Variants in GRIN2A observed in about 807,000 individuals in gnomAD.
GRIN2A encodes the protein glutamate receptor ionotropic, NMDA 2A.
Under a neutral mutation model 113.4 loss-of-function variants are expected in GRIN2A, and 22 were observed. The ratio of observed to expected loss-of-function variants is 0.19; its 90% CI spans 0.14 to 0.28. The LOEUF (loss-of-function observed/expected upper bound fraction) is 0.28, where lower values mean the gene tolerates loss of function less well. Ranked by LOEUF, GRIN2A falls within the 10% of genes least tolerant of loss-of-function variation. GRIN2A has a pLI of 1.00. For missense variants in GRIN2A, 1,502 were observed against 1,887.0 expected (o/e 0.80, Z 3.78); for synonymous variants, 827 against 738.4 (o/e 1.12, Z -1.94).
chr16:9,827,610 A>G (rs1394164915), intron 9 of GRIN2A, among the ~76,000 whole-genome samples: 2 of 152,206 alleles, frequency 1.3e-5, no homozygotes, highest in East Asian at 3.8e-4. Flanking sequence ...ACAAAGATTG[A>G]GGGAACTTAA....
intron 2 of GRIN2A, among the ~76,000 whole-genome samples, chr16:10,130,745 G>A (rs1019184680): frequency 3.9e-5 from 6 of 152,142 alleles, no homozygotes; most frequent in African/African-American, 7.2e-5. Flanking sequence ...GCAACTTCTC[G>A]TCTCCAGCCA....
At chr16:10,061,736 A>G (rs1031566325) in intron 2 of GRIN2A, among the ~76,000 whole-genome samples, 3 of 152,232 alleles carry the variant, frequency 2.0e-5, no homozygotes, top group Non-Finnish European at 4.4e-5. Flanking sequence ...TGAATAGAAC[A>G]TGTTGGAAAG....
intron 3 of GRIN2A, among the ~76,000 whole-genome samples, chr16:9,898,604 AT>A (rs1194731776): frequency 6.6e-6 from 1 of 152,060 alleles, no homozygotes; most frequent in Non-Finnish European, 1.5e-5. Context: ...TTAATTTTCC[AT>A]CTACTTTGCC....
intron 4 of GRIN2A, among the ~76,000 whole-genome samples, chr16:9,874,493 G>C (rs2043327244): frequency 6.6e-6 from 1 of 152,144 alleles, no homozygotes; most frequent in African/African-American, 2.4e-5. Context: ...AGTCCTTCTT[G>C]CCAACGCTGG....
chr16:9,984,591 C>T (rs568026509), intron 2 of GRIN2A, among the ~76,000 whole-genome samples: 71 of 152,304 alleles, frequency 4.7e-4, no homozygotes, highest in African/African-American at 1.7e-3. Flanking sequence ...TTCCAAGCAC[C>T]ATTTCTGCTG....
In GRIN2A at chr16:9,849,947, C is replaced by G; in HGVS notation, c.1137G>C (p.Glu379Asp). Reference sequence around the variant, plus strand: ...CGTGCCTCAGGCTCAGCGTATGGTTCTCCCACTTGCCCACCTGCAGCACAA... The same window carrying G: ...CGTGCCTCAGGCTCAGCGTATGGTTGTCCCACTTGCCCACCTGCAGCACAA... ...DREWEKVGKW[E>D]NHTLSLRHAV... The change falls in exon 5 of 13, where the codon GAG becomes GAC. Residue 379 changes from glutamate (E) to aspartate (D), a missense_variant. Around this residue, in one of 7 missense-constraint regions of GRIN2A, gnomAD observed 334 missense variants for 403.0 expected, o/e 0.83. Transcript: ENST00000330684. 5 of 1,613,792 alleles carry G rather than the reference C, an allele frequency of 3.1e-6. No individual in the cohort carries two copies. The highest frequency in any genetic ancestry group is 4.2e-6 in the Non-Finnish European group (5 of 1,179,774).
At chr16:9,801,612 C>T (rs1256141488) in intron 10 of GRIN2A, among the ~76,000 whole-genome samples, 1 of 152,206 alleles carries the variant, frequency 6.6e-6, no homozygotes, top group African/African-American at 2.4e-5. Flanking sequence ...GAGCAACAGA[C>T]AGACATATGA....
chr16:10,152,410 T>C (rs905774464), intron 2 of GRIN2A, among the ~76,000 whole-genome samples: 4 of 152,186 alleles, frequency 2.6e-5, no homozygotes, highest in Non-Finnish European at 5.9e-5. Flanking sequence ...AGTTAGCATT[T>C]AACGTGGACA....
chr16:9,892,857 G>A (rs1413846400), intron 3 of GRIN2A, among the ~76,000 whole-genome samples: 1 of 149,124 alleles, frequency 6.7e-6, no homozygotes, highest in African/African-American at 2.5e-5. Context: ...GTGGATTGAA[G>A]CATTCAAAGA....
At chr16:9,781,124 G>A (rs940836741) in intron 11 of GRIN2A, among the ~76,000 whole-genome samples, 3 of 151,906 alleles carry the variant, frequency 2.0e-5, no homozygotes, top group African/African-American at 7.3e-5. Context: ...CGTAATACAG[G>A]AATGAGTGTG....
intron 2 of GRIN2A, among the ~76,000 whole-genome samples, chr16:9,960,753 T>C (rs992436263): frequency 6.6e-6 from 1 of 152,208 alleles, no homozygotes; most frequent in Non-Finnish European, 1.5e-5. Flanking sequence ...ACCTCCCAAG[T>C]AGCAGGGACT....
chr16:9,876,026 C>A (rs1305027767), intron 4 of GRIN2A, among the ~76,000 whole-genome samples: 2 of 152,256 alleles, frequency 1.3e-5, no homozygotes, highest in East Asian at 3.9e-4. Context: ...AGTCTTGGAA[C>A]GTGTCCTGGG....
intron 2 of GRIN2A, among the ~76,000 whole-genome samples, chr16:10,122,537 G>C (rs1272681777): frequency 6.6e-6 from 1 of 152,082 alleles, no homozygotes; most frequent in Non-Finnish European, 1.5e-5. Flanking sequence ...ATCTCTCCCA[G>C]AAAGTTTCGC....
chr16:9,857,785 G>C (rs1264814751), intron 4 of GRIN2A, among the ~76,000 whole-genome samples: 1 of 152,154 alleles, frequency 6.6e-6, no homozygotes, highest in Admixed American at 6.5e-5. Flanking sequence ...TAAATCAATG[G>C]GGAAACAATT....
intron 2 of GRIN2A, among the ~76,000 whole-genome samples, chr16:10,026,136 C>T (rs1032393175): frequency 6.6e-5 from 10 of 152,144 alleles, no homozygotes; most frequent in Non-Finnish European, 1.3e-4. Context: ...GAAAGGACTT[C>T]CAGAATCCCC....
At chr16:9,829,757 A>T in intron 8 of GRIN2A, 105 bp from the exon 9 acceptor site, 3 of 750,360 alleles carry the variant, frequency 4.0e-6, no homozygotes, top group Non-Finnish European at 7.3e-6. Flanking sequence ...TTGCCAGAAG[A>T]TGGAATTATA....
chr16:9,890,927 C>T (rs572085042), intron 4 of GRIN2A, 59 bp downstream of exon 4: 6 of 1,013,194 alleles, frequency 5.9e-6, no homozygotes, highest in Non-Finnish European at 7.9e-6. Context: ...CACTGTGAGC[C>T]CCTTTATTGC....
chr16:10,105,404 G>A (rs1037080280), intron 2 of GRIN2A, among the ~76,000 whole-genome samples: 1 of 152,026 alleles, frequency 6.6e-6, no homozygotes, highest in Non-Finnish European at 1.5e-5. Flanking sequence ...GACTTTTGAG[G>A]TGTTGCCTGG....
chr16:9,855,013 T>C (rs1425296331), intron 4 of GRIN2A, among the ~76,000 whole-genome samples: 1 of 152,012 alleles, frequency 6.6e-6, no homozygotes, highest in Non-Finnish European at 1.5e-5. Flanking sequence ...TGTGTGTGTG[T>C]GTGTGTGTGT....
Sources: gnomAD v4.1 joint callset for allele counts (sites outside exome capture counted in the v4.1 genomes callset) on GRCh38, gnomAD v4.1.1 for gene constraint, gnomAD v4.1.1 regional missense constraint, MANE v1.5 for transcripts, NCBI Gene and HGNC (gene_info 2026-07-23, HGNC 2026-07-21) for gene names.